RERE: variants seen among roughly 807,000 people sequenced by gnomAD.
RERE encodes arginine-glutamic acid dipeptide repeats protein.
In RERE, 40 loss-of-function variants were observed where a neutral mutation model predicts 146.1. The observed-to-expected ratio is 0.27, with a 90% CI of 0.21 to 0.36. The LOEUF (loss-of-function observed/expected upper bound fraction) is 0.36. Ranked by LOEUF, RERE falls within the 10% of genes least tolerant of loss-of-function variation. RERE has a pLI of 1.00. For synonymous variants in RERE, 1,003 were observed against 866.0 expected (o/e 1.16, Z -2.78); for missense variants, 1,933 against 2,138.7 (o/e 0.90, Z 1.90).
At chr1:8,753,080 T>A (rs1407424387) in intron 1 of RERE, among the ~76,000 whole-genome samples, 1 of 152,218 alleles carries the variant, frequency 6.6e-6, no homozygotes, top group East Asian at 1.9e-4. Flanking sequence ...AAGCTGTGCT[T>A]CAGCAAGAGG....
chr1:8,634,775 AC>A (rs1647076210), intron 2 of RERE, among the ~76,000 whole-genome samples: 1 of 152,134 alleles, frequency 6.6e-6, no homozygotes, highest in Admixed American at 6.5e-5. Context: ...TTGCTCTGTC[AC>A]CCAGGCTGGA....
chr1:8,750,719 A>C lies in RERE; in HGVS notation c.-145+66441T>G, dbSNP rs1046681511. 11 of 798,170 alleles carry C rather than the reference A, an allele frequency of 1.4e-5. No individual in the cohort carries two copies. In the African/African-American group the frequency reaches 1.7e-4, roughly 12 times the overall value. 49.4% of individuals were successfully genotyped at this position (798,170 alleles called of 1,614,324 possible). On this transcript the variant is annotated intron_variant, in intron 1 of 22. Transcript: ENST00000400908. ...GGCCTTTGTCATCAGGACCAGAGGTATCAATGGTGTGAGCCCAGAGGTCTG... is the reference window on the plus strand; with the variant it reads ...GGCCTTTGTCATCAGGACCAGAGGTCTCAATGGTGTGAGCCCAGAGGTCTG...
In RERE at chr1:8,360,149, C is replaced by A; in HGVS notation, c.3358G>T (p.Val1120Leu). The A allele has an allele frequency of 6.3e-7, 1 of 1,595,780 alleles. No homozygotes were observed. The highest frequency in any genetic ancestry group is 8.5e-7 in the Non-Finnish European group (1 of 1,171,070). ...CTGGCGTGACTGGGGGTGTCCACCACAGTGGGCTCCGGGGACGGGCTCCTT... is the reference window on the plus strand; with the variant it reads ...CTGGCGTGACTGGGGGTGTCCACCAAAGTGGGCTCCGGGGACGGGCTCCTT... ...PPRSPSPEPT[V>L]VDTPSHASQS... The change falls in exon 18 of 23, where the codon GTG (valine) becomes TTG (leucine). Residue 1120 changes from valine (V) to leucine (L), a missense_variant. Physicochemically the swap from Val to Leu is conservative, Grantham distance 32 (BLOSUM62 1). Around this residue, in one of 11 missense-constraint regions of RERE, gnomAD observed 1,255 missense variants for 1,153.8 expected, o/e 1.09. Transcript: ENST00000400908.
At chr1:8,532,510 T>G (rs1321655127) in intron 7 of RERE, among the ~76,000 whole-genome samples, 1 of 152,166 alleles carries the variant, frequency 6.6e-6, no homozygotes, top group Non-Finnish European at 1.5e-5. Flanking sequence ...AACCTCCACC[T>G]CCTGGGTTCA....
At chr1:8,398,523 T>C (rs1643135464) in intron 12 of RERE, among the ~76,000 whole-genome samples, 2 of 152,256 alleles carry the variant, frequency 1.3e-5, no homozygotes, top group Admixed American at 1.3e-4. Context: ...TACAATTTAT[T>C]TGGCAATTAA....
chr1:8,789,659 G>A (rs1243647116), intron 1 of RERE, among the ~76,000 whole-genome samples: 1 of 152,060 alleles, frequency 6.6e-6, no homozygotes, highest in Non-Finnish European at 1.5e-5. Flanking sequence ...AGCATTCCAA[G>A]CCTGTCTTCT....
intron 10 of RERE, among the ~76,000 whole-genome samples, chr1:8,469,571 T>A (rs1458690957): frequency 6.6e-6 from 1 of 152,102 alleles, no homozygotes; most frequent in Non-Finnish European, 1.5e-5. Context: ...TGCAGTGAGC[T>A]GAGATCGTGC....
intron 11 of RERE, among the ~76,000 whole-genome samples, chr1:8,447,298 A>G (rs1431243698): frequency 4.0e-5 from 6 of 151,750 alleles, no homozygotes; most frequent in Non-Finnish European, 7.4e-5. Context: ...ACTTCTGTCA[A>G]TTTGTCAAAC....
chr1:8,359,935 C>T lies in RERE; in HGVS notation c.3447G>A (p.Leu1149=). The change falls in exon 19 of 23, where the codon CTG becomes CTA. Residue 1149 remains leucine (L), a synonymous_variant. Transcript: ENST00000400908. ...TGGACCCGGCCAGAGGCATGAAGTA[C>T]AGGTCTGTCCGGGCACACGAGTTGT... is the stretch of plus-strand genomic sequence containing the variant. The part of the protein sequence containing the change: ...RGYNSCARTD[L]YFMPLAGSKL... 1 of 1,613,346 alleles carries T rather than the reference C, an allele frequency of 6.2e-7. No homozygotes were observed.
At chr1:8,752,287 A>G (rs1472421436) in intron 1 of RERE, among the ~76,000 whole-genome samples, 1 of 152,170 alleles carries the variant, frequency 6.6e-6, no homozygotes, top group Non-Finnish European at 1.5e-5. Flanking sequence ...ATCCTTCATC[A>G]TAAAAGAAAC....
chr1:8,550,370 T>C (rs914306057), intron 6 of RERE, among the ~76,000 whole-genome samples: 2 of 152,146 alleles, frequency 1.3e-5, no homozygotes, highest in African/African-American at 4.8e-5. Context: ...GTACTAAGCA[T>C]GTATAGACAA....
chr1:8,658,767 A>AG (rs1491169403), intron 1 of RERE, among the ~76,000 whole-genome samples: 4 of 147,346 alleles, frequency 2.7e-5, no homozygotes, highest in Non-Finnish European at 5.9e-5. Flanking sequence ...AAAAAAAAAA[A>AG]GAAAGAAAGA....
intron 4 of RERE, among the ~76,000 whole-genome samples, chr1:8,568,161 T>C (rs1297403389): frequency 6.6e-6 from 1 of 152,174 alleles, no homozygotes; most frequent in Non-Finnish European, 1.5e-5. Flanking sequence ...AAGGAGACTT[T>C]GCTCTCTCTC....
chr1:8,577,564 C>G (rs1052839814), intron 4 of RERE, among the ~76,000 whole-genome samples: 2 of 152,226 alleles, frequency 1.3e-5, no homozygotes, highest in Admixed American at 1.3e-4. Flanking sequence ...AAATCACATA[C>G]TCCTTGGCCC....
At chr1:8,501,763 G>A (rs1570351397) in intron 8 of RERE, among the ~76,000 whole-genome samples, 1 of 129,256 alleles carries the variant, frequency 7.7e-6, no homozygotes, top group South Asian at 2.5e-4. Context: ...GGGAGGTGGG[G>A]GGATCAGCCC....
At chr1:8,511,469 A>G (rs775158570) in intron 7 of RERE, among the ~76,000 whole-genome samples, 1 of 152,240 alleles carries the variant, frequency 6.6e-6, no homozygotes, top group African/African-American at 2.4e-5. Context: ...AGCAGGTAGG[A>G]TCTGAGGTGC....
chr1:8,640,503 T>C (rs1447779444), intron 2 of RERE, among the ~76,000 whole-genome samples: 1 of 152,156 alleles, frequency 6.6e-6, no homozygotes, highest in Non-Finnish European at 1.5e-5. Context: ...CAAACATAAC[T>C]GAATAGGGAA....
At chr1:8,716,874 G>A (rs575662399) in intron 1 of RERE, among the ~76,000 whole-genome samples, 16 of 151,928 alleles carry the variant, frequency 1.1e-4, no homozygotes, top group Non-Finnish European at 2.4e-4. Context: ...CGTAGGCATC[G>A]GACTGAAATT....
At chr1:8,793,189 A>AGAAG (rs1174405633) in intron 1 of RERE, among the ~76,000 whole-genome samples, 32 of 151,468 alleles carry the variant, frequency 2.1e-4, no homozygotes, top group Non-Finnish European at 3.5e-4. Flanking sequence ...AAAGAAAGAA[A>AGAAG]GAAAGAAGGC....
Sources: allele counts gnomAD v4.1 joint callset (sites outside exome capture counted in the v4.1 genomes callset), GRCh38; gene constraint gnomAD v4.1.1; regional missense constraint gnomAD v4.1.1; transcripts MANE v1.5; gene names NCBI Gene and HGNC (gene_info 2026-07-23, HGNC 2026-07-21).